The following NFXL1 variants were observed in gnomAD, a reference collection of about 807,000 sequenced individuals.
NFXL1 encodes the protein NF-X1-type zinc finger protein NFXL1.
Under a neutral mutation model 123.3 loss-of-function variants are expected in NFXL1, and 66 were observed. The ratio of observed to expected loss-of-function variants is 0.54; its 90% CI spans 0.44 to 0.66. The LOEUF (loss-of-function observed/expected upper bound fraction) is 0.66, where lower values mean the gene tolerates loss of function less well. Ranked by LOEUF, NFXL1 falls within the 30% of genes least tolerant of loss-of-function variation. The pLI, the probability that NFXL1 is intolerant of heterozygous loss-of-function variation, is 0.00. For synonymous variants in NFXL1, 346 were observed against 360.8 expected, an observed-to-expected ratio of 0.96 and a Z score of 0.46; for missense variants, 944 against 1,125.6, an observed-to-expected ratio of 0.84 and a Z score of 2.31.
chr4:47,857,789 T>C (rs1010261189), intron 19 of NFXL1, among the ~76,000 whole-genome samples: 1 of 152,128 alleles, frequency 6.6e-6, no homozygotes, highest in East Asian at 1.9e-4. Context: ...CTTGGATCCA[T>C]GGTGAGTCTA....
chr4:47,848,741 T>C (rs536988716), intron 22 of NFXL1, among the ~76,000 whole-genome samples: 9 of 151,746 alleles, frequency 5.9e-5, no homozygotes, highest in African/African-American at 1.9e-4. Flanking sequence ...TACAAAAAAT[T>C]AGCCGGGCAT....
At position 47,903,205 on chromosome 4, in the gene NFXL1, C is replaced by T; in HGVS notation, c.635G>A (p.Cys212Tyr). The T allele has an allele frequency of 6.3e-7, 1 of 1,588,688 alleles. No individual in the cohort carries two copies. The highest frequency in any genetic ancestry group is 8.5e-7 in the Non-Finnish European group (1 of 1,169,826). ...TAGAAAAAGTTACCAAGGCCAGGGA[C>T]AATCTTTCTTTCCAAAATCATCATC... ...VTDDDFGKKD[C>Y]PWPCPKCRFE... Residue 212 changes from cysteine to tyrosine, a missense_variant, in exon 5 of 23, where the codon TGT becomes TAT. By Grantham distance (194) the Cys-to-Tyr change is radical. Coordinates refer to ENST00000507489, the MANE Select transcript of NFXL1 (RefSeq NM_001278624.2).
chr4:47,867,370 A>G (rs1402451049), intron 18 of NFXL1, among the ~76,000 whole-genome samples: 1 of 152,134 alleles, frequency 6.6e-6, no homozygotes, highest in African/African-American at 2.4e-5. Flanking sequence ...CGAGGCAGCA[A>G]AACATCCTAG....
chr4:47,863,035 TTTAA>T (rs1211511947), intron 18 of NFXL1, 120 bp from the exon 19 acceptor site: 11 of 640,666 alleles, frequency 1.7e-5, no homozygotes, highest in Non-Finnish European at 2.2e-5. Flanking sequence ...CAAGAAATAC[TTTAA>T]TTATTTCTCT....
chr4:47,850,191 T>C (rs1221756365), intron 22 of NFXL1, among the ~76,000 whole-genome samples: 1 of 152,132 alleles, frequency 6.6e-6, no homozygotes, highest in Non-Finnish European at 1.5e-5. Context: ...AGCCAACTTA[T>C]GTTTTACTAT....
At chr4:47,884,644 T>C (rs1296517311) in intron 14 of NFXL1, among the ~76,000 whole-genome samples, 2 of 152,240 alleles carry the variant, frequency 1.3e-5, no homozygotes, top group African/African-American at 4.8e-5. Context: ...TATTAATAAC[T>C]GAGACAGAAT....
rs777924050 is a variant in NFXL1 at position 47,899,523 on chromosome 4, G to C, written c.673C>G (p.Arg225Gly). Residue 225 changes from arginine to glycine, a missense_variant, in exon 6 of 23, where the codon CGA becomes GGA. By Grantham distance (125) the Arg-to-Gly change is moderately radical. Around this residue, in one of 4 missense-constraint regions of NFXL1, gnomAD observed 303 missense variants for 292.1 expected, o/e 1.04. Coordinates refer to ENST00000507489, the MANE Select transcript of NFXL1 (RefSeq NM_001278624.2). The part of the protein sequence containing the change: ...PCPKCRFEYK[R>G]SETPSRYYCY... ...TAGTACCTACTAGGTGTTTCAGATC[G>C]TTTGTATTCAAACCTACATTTTGGA... 3.7e-6 allele frequency: 6 copies of C among 1,611,424 alleles called. No individual in the cohort carries two copies. Among genetic ancestry groups the C allele is most frequent in the Non-Finnish European group, 5.1e-6 (6 of 1,178,104 alleles).
chr4:47,894,874 C>A (rs1736990605), intron 10 of NFXL1, among the ~76,000 whole-genome samples: 1 of 152,182 alleles, frequency 6.6e-6, no homozygotes, highest in Non-Finnish European at 1.5e-5. Flanking sequence ...TTTCAATTTA[C>A]ATTGCCAAGA....
At chr4:47,879,038 A>T in intron 16 of NFXL1, 58 bp downstream of exon 16, 1 of 974,378 alleles carries the variant, frequency 1.0e-6, no homozygotes, top group African/African-American at 1.7e-5. Flanking sequence ...GTAAAGTTAT[A>T]CTAGTATGTA....
rs1381070482 is a variant in NFXL1 at position 47,848,003 on chromosome 4, TAAGATA to T, written c.*154_*159del. On this transcript the variant is annotated 3_prime_UTR_variant, in exon 23 of 23. Coordinates refer to ENST00000507489, the MANE Select transcript of NFXL1 (RefSeq NM_001278624.2). ...ATACTGCCCTTTCTAGTATACTAAT[TAAGATA>T]AAGTTTAACATTCTGTCCTTCTAAC... 9.5e-6 allele frequency: 5 copies of T among 523,990 alleles called. No homozygotes were observed. The highest frequency in any genetic ancestry group is 7.7e-5 in the African/African-American group (4 of 52,006). The allele number at this position is 523,990 out of a possible 1,614,324, so 32.5% of individuals were successfully genotyped here.
intron 12 of NFXL1, among the ~76,000 whole-genome samples, chr4:47,889,846 A>G (rs1369798309): frequency 6.6e-6 from 1 of 152,174 alleles, no homozygotes; most frequent in Non-Finnish European, 1.5e-5. Context: ...TCACATGCAT[A>G]GTTTTCCAGA....
intron 2 of NFXL1, 89 bp from the exon 3 acceptor site, chr4:47,911,083 T>C (rs1293703030): frequency 1.4e-6 from 1 of 708,140 alleles, no homozygotes; most frequent in Non-Finnish European, 2.2e-6. Context: ...ACAACACACA[T>C]TTGAAAGTCA....
rs143388104 is a variant in NFXL1, at chr4:47,913,955, G to A, written c.235+14C>T. On this transcript the variant is annotated intron_variant, in intron 2 of 22. Coordinates refer to ENST00000507489, the MANE Select transcript of NFXL1 (RefSeq NM_001278624.2). The stretch of plus-strand genomic sequence containing the variant: ...AGGCATCCAGGTGAGCACGCGGGCG[G>A]GAGCCATTCTCACCGCTGGCTGCGG... 740 of 1,534,070 alleles carry A rather than the reference G, an allele frequency of 4.8e-4. 3 individuals carry two copies. The African/African-American group carries it at 8.4e-3, about 18-fold the overall frequency.
chr4:47,879,248 C>G, intron 15 of NFXL1, 131 bp from the exon 16 acceptor site: 1 of 426,394 alleles, frequency 2.3e-6, no homozygotes. Context: ...AGTTACAGGA[C>G]ACGAAGTTAA....
At chr4:47,849,129 T>G (rs1368497614) in intron 22 of NFXL1, among the ~76,000 whole-genome samples, 2 of 152,042 alleles carry the variant, frequency 1.3e-5, no homozygotes. Context: ...GAAATTCAAG[T>G]GAGTAAAGAG....
chr4:47,873,869 T>C (rs184374231), intron 18 of NFXL1, among the ~76,000 whole-genome samples: 17 of 152,356 alleles, frequency 1.1e-4, no homozygotes, highest in Admixed American at 1.1e-3. Flanking sequence ...AAATCTGTTG[T>C]TTTGTGTAGC....
chr4:47,884,287 CT>C, intron 15 of NFXL1, 58 bp downstream of exon 15: 1 of 976,420 alleles, frequency 1.0e-6, no homozygotes, highest in Non-Finnish European at 1.6e-6. Flanking sequence ...TTCAGATACC[CT>C]TTAAGCTATG....
intron 21 of NFXL1, among the ~76,000 whole-genome samples, 160 bp from the exon 22 acceptor site, chr4:47,851,308 A>C (rs962840602): frequency 6.6e-6 from 1 of 152,122 alleles, no homozygotes; most frequent in African/African-American, 2.4e-5. Flanking sequence ...AGGTTTTACC[A>C]AGGCACTATC....
chr4:47,858,545 C>G (rs900095036), intron 19 of NFXL1, among the ~76,000 whole-genome samples: 5 of 152,176 alleles, frequency 3.3e-5, no homozygotes, highest in Admixed American at 6.5e-5. Context: ...AATCAGTGGA[C>G]TACAGCATGT....
Sources: gnomAD v4.1 joint callset for allele counts (sites outside exome capture counted in the v4.1 genomes callset) on GRCh38, gnomAD v4.1.1 for gene constraint, gnomAD v4.1.1 regional missense constraint, MANE v1.5 for transcripts, NCBI Gene and HGNC (gene_info 2026-07-23, HGNC 2026-07-21) for gene names.